The following TTC28 variants were observed in gnomAD, a reference collection of about 807,000 sequenced individuals.
The protein encoded by TTC28 is tetratricopeptide repeat protein 28.
Under a neutral mutation model 198.0 loss-of-function variants are expected in TTC28, and 61 were observed. The observed-to-expected ratio is 0.31, with a 90% CI of 0.25 to 0.38. The LOEUF is 0.38. TTC28 is among the 10% of genes least tolerant of loss of function. TTC28 has a pLI of 1.00. For missense variants in TTC28, 2,678 were observed against 3,164.0 expected (o/e 0.85, Z 3.69); for synonymous variants, 1,171 against 1,297.8 (o/e 0.90, Z 2.10).
chr22:28,021,422 G>A (rs546037550), intron 13 of TTC28, among the ~76,000 whole-genome samples: 11 of 152,282 alleles, frequency 7.2e-5, no homozygotes, highest in African/African-American at 2.4e-4. Context: ...CCTGAGGAAC[G>A]CATGAAGGGG....
intron 6 of TTC28, among the ~76,000 whole-genome samples, chr22:28,108,643 CA>C (rs1942396765): frequency 6.6e-6 from 1 of 151,862 alleles, no homozygotes; most frequent in Non-Finnish European, 1.5e-5. Flanking sequence ...GTTTGTACTA[CA>C]AATACATATC....
intron 2 of TTC28, among the ~76,000 whole-genome samples, chr22:28,320,852 G>A (rs780894198): frequency 3.3e-5 from 5 of 152,266 alleles, no homozygotes; most frequent in Admixed American, 6.5e-5. Flanking sequence ...TTTTGCATGT[G>A]CTTTCAGCAT....
At chr22:28,059,580 G>C (rs201374819) in intron 12 of TTC28, among the ~76,000 whole-genome samples, 2 of 151,816 alleles carry the variant, frequency 1.3e-5, no homozygotes, top group Non-Finnish European at 3.0e-5. Flanking sequence ...TTACTGGCTT[G>C]TATTTTTTCT....
chr22:28,120,357 G>A (rs191446038), intron 6 of TTC28, among the ~76,000 whole-genome samples: 73 of 152,154 alleles, frequency 4.8e-4, no homozygotes, highest in African/African-American at 1.7e-3. Context: ...TGCTTTCAAC[G>A]CCCTGGGACC....
chr22:28,544,959 A>G (rs2049505107), intron 2 of TTC28, among the ~76,000 whole-genome samples: 2 of 152,152 alleles, frequency 1.3e-5, no homozygotes, highest in South Asian at 2.1e-4. Flanking sequence ...AGTATACTCA[A>G]TCGAGCAGCC....
chr22:28,421,628 A>T (rs1214119955), intron 2 of TTC28, among the ~76,000 whole-genome samples: 1 of 152,226 alleles, frequency 6.6e-6, no homozygotes, highest in Non-Finnish European at 1.5e-5. Context: ...ATTTAACAAA[A>T]TGTCAATAAC....
At chr22:28,379,659 G>C (rs1490532527) in intron 2 of TTC28, among the ~76,000 whole-genome samples, 1 of 152,128 alleles carries the variant, frequency 6.6e-6, no homozygotes, top group African/African-American at 2.4e-5. Context: ...TGAGTACCAA[G>C]TTTCAGTTTT....
intron 2 of TTC28, among the ~76,000 whole-genome samples, chr22:28,467,630 C>G (rs913091927): frequency 5.3e-5 from 8 of 152,174 alleles, no homozygotes; most frequent in African/African-American, 1.9e-4. Flanking sequence ...CTCAATTAGT[C>G]TTCACTATGG....
At chr22:28,272,948 T>C (rs971613154) in intron 5 of TTC28, among the ~76,000 whole-genome samples, 1 of 152,166 alleles carries the variant, frequency 6.6e-6, no homozygotes, top group South Asian at 2.1e-4. Context: ...CTGCAATAAA[T>C]CAAGTTATTG....
chr22:28,374,616 T>G (rs1032291567), intron 2 of TTC28, among the ~76,000 whole-genome samples: 1 of 152,200 alleles, frequency 6.6e-6, no homozygotes, highest in African/African-American at 2.4e-5. Context: ...TGACTCTGTT[T>G]CCTCATTGGA....
chr22:28,614,516 C>T (rs113019476), intron 2 of TTC28, among the ~76,000 whole-genome samples: 103 of 152,084 alleles, frequency 6.8e-4, no homozygotes, highest in African/African-American at 2.3e-3. Context: ...ACAAACCTGG[C>T]GGCATCACAC....
intron 2 of TTC28, among the ~76,000 whole-genome samples, chr22:28,578,057 T>C (rs1053964607): frequency 3.3e-5 from 5 of 152,148 alleles, no homozygotes; most frequent in Non-Finnish European, 7.4e-5. Flanking sequence ...TTCCTTCCTA[T>C]TTTCCTTTAA....
intron 1 of TTC28, among the ~76,000 whole-genome samples, chr22:28,651,161 T>A (rs1310709227): frequency 6.6e-6 from 1 of 152,188 alleles, no homozygotes; most frequent in African/African-American, 2.4e-5. Flanking sequence ...TCAAGTCTCT[T>A]GATCTCTTTT....
At chr22:28,137,860 C>CA (rs1943236093) in intron 6 of TTC28, among the ~76,000 whole-genome samples, 1 of 151,978 alleles carries the variant, frequency 6.6e-6, no homozygotes. Context: ...ACTAAAAATA[C>CA]AAAAATCAGC....
chr22:28,142,139 T>G (rs1943351655), intron 6 of TTC28, among the ~76,000 whole-genome samples: 1 of 152,216 alleles, frequency 6.6e-6, no homozygotes, highest in Non-Finnish European at 1.5e-5. Context: ...AGGTAAAACT[T>G]TTTTAAAAAG....
intron 5 of TTC28, among the ~76,000 whole-genome samples, chr22:28,208,501 G>A (rs559982872): frequency 7.2e-5 from 11 of 152,126 alleles, no homozygotes; most frequent in South Asian, 2.1e-4. Context: ...TTTTCCTGAC[G>A]TGAGCCAGAA....
intron 2 of TTC28, among the ~76,000 whole-genome samples, chr22:28,355,695 G>A (rs534364069): frequency 2.0e-5 from 3 of 152,246 alleles, no homozygotes; most frequent in South Asian, 4.2e-4. Flanking sequence ...TAGTAGTCAC[G>A]GCCAAAAGCT....
At chr22:28,585,350 G>C (rs886671540) in intron 2 of TTC28, among the ~76,000 whole-genome samples, 2 of 152,224 alleles carry the variant, frequency 1.3e-5, no homozygotes, top group Non-Finnish European at 2.9e-5. Context: ...ATGGGAGACA[G>C]TGACAGATCA....
chr22:28,188,490 A>AAACTTATATAAAAAGC (rs1298305881), intron 5 of TTC28, among the ~76,000 whole-genome samples: 1 of 152,198 alleles, frequency 6.6e-6, no homozygotes, highest in African/African-American at 2.4e-5. Context: ...GATAGAATAT[A>AAACTTATATAAAAAGC]AACTTATATA....
Sources: allele counts gnomAD v4.1 joint callset (sites outside exome capture counted in the v4.1 genomes callset), GRCh38; gene constraint gnomAD v4.1.1; transcripts MANE v1.5; gene names NCBI Gene and HGNC (gene_info 2026-07-23, HGNC 2026-07-21).